Variants in OR1B1 observed in about 807,000 individuals in gnomAD.
OR1B1 encodes the protein olfactory receptor 1B1.
For missense variants in OR1B1, 414 were observed against 402.1 expected, an observed-to-expected ratio of 1.03 and a Z score of -0.25; for synonymous variants, 168 against 156.2, an observed-to-expected ratio of 1.08 and a Z score of -0.57.
chr9:122,639,222 A>G, the OR1B1 span, among the ~76,000 whole-genome samples: 1,478 of 152,258 alleles, frequency 9.7e-3, 27 homozygotes, highest in African/African-American at 0.034. Flanking sequence ...TATATATTAT[A>G]TACGTCTATG....
the OR1B1 span, among the ~76,000 whole-genome samples, chr9:122,644,935 A>G: frequency 6.6e-6 from 1 of 152,194 alleles, no homozygotes; most frequent in African/African-American, 2.4e-5. Context: ...ACCTCACCAC[A>G]TAAATAAGGC....
the OR1B1 span, among the ~76,000 whole-genome samples, chr9:122,635,500 T>G: frequency 9.1e-3 from 1,388 of 152,220 alleles, 23 homozygotes; most frequent in African/African-American, 0.032. Flanking sequence ...TCATGGAAAT[T>G]TGCCAAGAGA....
At chr9:122,647,433 T>G in the OR1B1 span, among the ~76,000 whole-genome samples, 41 of 152,180 alleles carry the variant, frequency 2.7e-4, no homozygotes, top group African/African-American at 8.9e-4. Context: ...TGGCTATATG[T>G]GCATACATCA....
the OR1B1 span, among the ~76,000 whole-genome samples, chr9:122,648,821 C>T: frequency 6.6e-5 from 10 of 152,260 alleles, no homozygotes; most frequent in Admixed American, 5.9e-4. Context: ...AATGGCTATA[C>T]TGCCCAAAGT....
At chr9:122,633,825 G>A (rs1830228202), upstream of OR1B1, among the ~76,000 whole-genome samples, 1 of 151,428 alleles carries the variant, frequency 6.6e-6, no homozygotes, top group Admixed American at 6.6e-5. Context: ...AGCTACTTGG[G>A]AGGCTGAAGC....
chr9:122,629,883 G>A (rs1280713438), upstream of OR1B1, among the ~76,000 whole-genome samples: 1 of 152,100 alleles, frequency 6.6e-6, no homozygotes, highest in Non-Finnish European at 1.5e-5. Flanking sequence ...CTTCATGAAA[G>A]AATTATCTAT....
At chr9:122,646,771 A>G in the OR1B1 span, among the ~76,000 whole-genome samples, 1 of 152,132 alleles carries the variant, frequency 6.6e-6, no homozygotes, top group Non-Finnish European at 1.5e-5. Flanking sequence ...TCAACACCCT[A>G]TTTTCAGCAC....
exon 1 of OR1B1, chr9:122,629,347 A>G (rs1167844103): frequency 1.2e-6 from 2 of 1,614,036 alleles, no homozygotes; most frequent in African/African-American, 1.3e-5. Context: ...CACGAAGCAG[A>G]TAATACATGG....
chr9:122,630,451 G>A (rs185847622), upstream of OR1B1, among the ~76,000 whole-genome samples: 13 of 152,220 alleles, frequency 8.5e-5, no homozygotes, highest in African/African-American at 3.1e-4. Context: ...AGTCCACTAT[G>A]ACTATTTAAG....
exon 1 of OR1B1, chr9:122,629,136 A>T: frequency 6.2e-7 from 1 of 1,614,136 alleles, no homozygotes; most frequent in Non-Finnish European, 8.5e-7. Context: ...ACCAAAGCAT[A>T]GTGCAGGGGG....
downstream of OR1B1, chr9:122,628,495 C>T (rs1830162440): frequency 2.4e-6 from 2 of 844,002 alleles, no homozygotes; most frequent in Non-Finnish European, 1.9e-6. Flanking sequence ...GGCCCTCCAC[C>T]CCTCTGATCT....
the OR1B1 span, among the ~76,000 whole-genome samples, chr9:122,649,002 A>C: frequency 6.6e-6 from 1 of 152,188 alleles, no homozygotes; most frequent in Non-Finnish European, 1.5e-5. Flanking sequence ...TTCAAACTAT[A>C]TTATAAGACT....
At chr9:122,655,560 G>T in the OR1B1 span, among the ~76,000 whole-genome samples, 24 of 152,204 alleles carry the variant, frequency 1.6e-4, no homozygotes, top group Admixed American at 1.3e-3. Context: ...GGAGCTGGAA[G>T]CCGTGATCCT....
downstream of OR1B1, among the ~76,000 whole-genome samples, chr9:122,628,237 G>A (rs1307783569): frequency 6.6e-6 from 1 of 152,116 alleles, no homozygotes; most frequent in African/African-American, 2.4e-5. Flanking sequence ...TAACTCTACT[G>A]CTCTTCGTTT....
chr9:122,639,080 A>G, the OR1B1 span, among the ~76,000 whole-genome samples: 10 of 152,304 alleles, frequency 6.6e-5, 1 homozygote, highest in African/African-American at 2.4e-4. Flanking sequence ...TCCAACAAAG[A>G]AACAACAACA....
exon 1 of OR1B1, chr9:122,629,386 G>A (rs941152161): frequency 1.4e-5 from 22 of 1,613,886 alleles, no homozygotes; most frequent in Middle Eastern, 1.6e-4. Context: ...CCCAGGAGAT[G>A]AGCAGCACCA....
the OR1B1 span, among the ~76,000 whole-genome samples, chr9:122,644,305 C>T: frequency 3.2e-4 from 48 of 152,282 alleles, 1 homozygote; most frequent in African/African-American, 1.1e-3. Context: ...TTAAGCAAAA[C>T]TTGGCAGTGG....
the OR1B1 span, among the ~76,000 whole-genome samples, chr9:122,644,690 T>G: frequency 6.6e-6 from 1 of 152,162 alleles, no homozygotes; most frequent in Admixed American, 6.5e-5. Context: ...AGTCTCTGCC[T>G]GGTAATCCAG....
upstream of OR1B1, among the ~76,000 whole-genome samples, chr9:122,631,194 TG>T (rs1830199965): frequency 1.3e-5 from 2 of 151,846 alleles, no homozygotes; most frequent in Admixed American, 6.6e-5. Context: ...TTTTTTTTTT[TG>T]AGACGGAATC....
Sources: allele counts gnomAD v4.1 joint callset (sites outside exome capture counted in the v4.1 genomes callset), GRCh38; gene constraint gnomAD v4.1.1; transcripts MANE v1.5; gene names NCBI Gene and HGNC (gene_info 2026-07-23, HGNC 2026-07-21).